The following CLIP1 variants were observed in gnomAD, a reference collection of about 807,000 sequenced individuals.
CLIP1 encodes the protein CAP-Gly domain containing linker protein 1, also known as CAP-Gly domain-containing linker protein 1.
CLIP1 carries 66 observed loss-of-function variants against 161.6 expected under a neutral mutation model. The observed-to-expected ratio is 0.41, with a 90% CI of 0.33 to 0.50. The LOEUF (loss-of-function observed/expected upper bound fraction) is 0.50, where lower values mean the gene tolerates loss of function less well. Ranked by LOEUF, CLIP1 falls within the 20% of genes least tolerant of loss-of-function variation. The probability of loss-of-function intolerance (pLI) is 0.27; values close to 1 mark genes in which losing one functional copy is unlikely to be tolerated. For synonymous variants in CLIP1, 598 were observed against 626.2 expected, an observed-to-expected ratio of 0.96 and a Z score of 0.67; for missense variants, 1,376 against 1,702.0, an observed-to-expected ratio of 0.81 and a Z score of 3.37.
At chr12:122,370,374 G>A (rs1011686171) in intron 3 of CLIP1, among the ~76,000 whole-genome samples, 10 of 152,114 alleles carry the variant, frequency 6.6e-5, no homozygotes, top group Non-Finnish European at 1.3e-4. Flanking sequence ...GTTGGTCTTC[G>A]TTGGTGCCAT....
chr12:122,339,572 C>T (rs1221956270), intron 11 of CLIP1, among the ~76,000 whole-genome samples: 2 of 152,190 alleles, frequency 1.3e-5, no homozygotes, highest in African/African-American at 4.8e-5. Flanking sequence ...ATCCGCCTGC[C>T]TCAGCCTCCC....
chr12:122,396,260 A>C (rs1248306532), intron 1 of CLIP1, among the ~76,000 whole-genome samples: 3 of 152,168 alleles, frequency 2.0e-5, no homozygotes, highest in African/African-American at 7.2e-5. Flanking sequence ...GTGGAGATTA[A>C]GATGTCTAAG....
At position 122,354,408 on chromosome 12, in the gene CLIP1, A is replaced by AG. The variant is rs771150388; in HGVS notation, c.1307+44_1307+45insC. The AG allele has an allele frequency of 6.2e-5, 92 of 1,490,234 alleles. No individual in the cohort carries two copies. In the Middle Eastern group the frequency reaches 1.1e-3, roughly 19 times the overall value. The allele number at this position is 1,490,234 out of a possible 1,614,324, so 92.3% of individuals were successfully genotyped here. The stretch of plus-strand genomic sequence containing the variant: ...AGACTCTGTCTCAAAAACAAAAAAA[A>AG]AGGGGGAAAGGCCACACTTGCACCA... On this transcript the variant is annotated intron_variant, in intron 7 of 25. Transcript: ENST00000620786.
At chr12:122,314,629 T>C (rs1351569782) in intron 19 of CLIP1, among the ~76,000 whole-genome samples, 1 of 152,170 alleles carries the variant, frequency 6.6e-6, no homozygotes, top group Non-Finnish European at 1.5e-5. Flanking sequence ...ATTATGGCAG[T>C]GCAGGTTGGA....
rs1555280643 is a variant in CLIP1 at position 122,390,279 on chromosome 12, C to CATACATAT, written c.-106-9722_-106-9721insATATGTAT. Among the ~76,000 whole-genome samples, 31 of 79,010 alleles carry CATACATAT rather than the reference C, an allele frequency of 3.9e-4. No individual in the cohort carries two copies. The East Asian group carries it at 5.2e-3, about 13-fold the overall frequency. 51.8% of individuals were successfully genotyped at this position (79,010 alleles called of 152,430 possible). A position where few individuals can be genotyped will look rare whatever the true frequency, so the allele number is the denominator to read the frequency against. On this transcript the variant is annotated intron_variant, in intron 1 of 25. Coordinates refer to ENST00000620786, the MANE Select transcript of CLIP1 (RefSeq NM_001247997.2). ...ATATATACACACACATATATATATACATATATATATATATATATATATATG... is the reference window on the plus strand; with the variant it reads ...ATATATACACACACATATATATATACATACATATATATATATATATATATATATATATG...
At chr12:122,415,338 C>T (rs1275944734) in intron 1 of CLIP1, among the ~76,000 whole-genome samples, 2 of 150,818 alleles carry the variant, frequency 1.3e-5, no homozygotes, top group East Asian at 2.0e-4. Flanking sequence ...AAAAATTAGC[C>T]GGGTGTGGTG....
intron 7 of CLIP1, among the ~76,000 whole-genome samples, chr12:122,353,835 T>A (rs1953179228): frequency 6.6e-6 from 1 of 151,680 alleles, no homozygotes; most frequent in African/African-American, 2.4e-5. Flanking sequence ...TTCACCATGT[T>A]GGTCACGTTG....
At chr12:122,292,664 T>C (rs1315896388) in intron 20 of CLIP1, among the ~76,000 whole-genome samples, 1 of 152,010 alleles carries the variant, frequency 6.6e-6, no homozygotes, top group Admixed American at 6.6e-5. Flanking sequence ...GTCAGTGGAG[T>C]TGACCAAAAC....
At chr12:122,298,909 C>T (rs1244906412) in intron 20 of CLIP1, among the ~76,000 whole-genome samples, 4 of 151,450 alleles carry the variant, frequency 2.6e-5, no homozygotes, top group East Asian at 2.0e-4. Flanking sequence ...GGGCTGAGAT[C>T]GCGCCACTGC....
intron 1 of CLIP1, among the ~76,000 whole-genome samples, chr12:122,421,474 ATACT>A (rs1223262777): frequency 2.6e-5 from 4 of 152,162 alleles, no homozygotes; most frequent in Admixed American, 2.0e-4. Context: ...ACAGCACTTA[ATACT>A]TATAGAGCTG....
intron 2 of CLIP1, among the ~76,000 whole-genome samples, chr12:122,378,297 G>T (rs1004290689): frequency 2.0e-5 from 3 of 152,142 alleles, no homozygotes; most frequent in Non-Finnish European, 1.5e-5. Context: ...ACGTTGGCCA[G>T]GCTGGTCTCA....
intron 19 of CLIP1, among the ~76,000 whole-genome samples, chr12:122,314,457 ACT>A (rs755629815): frequency 3.3e-5 from 5 of 152,176 alleles, no homozygotes; most frequent in South Asian, 2.1e-4. Context: ...GGGAACAGAG[ACT>A]CTGTCTCAGA....
rs1401908468 is a variant in CLIP1, at chr12:122,333,068, T to C, written c.2786A>G (p.Asp929Gly). Residue 929 changes from aspartate (D) to glycine (G), a missense_variant, in exon 15 of 26, where the codon GAC (aspartate) becomes GGC (glycine). By Grantham distance (94) the Asp-to-Gly change is moderately conservative. Around this residue, in one of 6 missense-constraint regions of CLIP1, gnomAD observed 948 missense variants for 1,134.8 expected, o/e 0.84. Transcript: ENST00000620786. ...LIKAKEKLEN[D>G]IAEIMKMSGD... ...TGACATCTTCATTATTTCTGCAATG[T>C]CATTTTCCAGTTTTTCCTTTGCCTT... 1 of 1,613,816 alleles carries C rather than the reference T, an allele frequency of 6.2e-7. No individual in the cohort carries two copies. Among genetic ancestry groups the C allele is most frequent in the South Asian group, 1.1e-5 (1 of 91,036 alleles).
rs1952368889 is a variant in CLIP1, at chr12:122,338,963, C to T, written c.2451+1790G>A. On this transcript the variant is annotated intron_variant, in intron 11 of 25. Transcript: ENST00000620786. Reference sequence around the variant, plus strand: ...TTGCTGTTTGTCAGTCCTCACCTCACCCCATTTAACCATCACAACCCTTCC... The same window carrying T: ...TTGCTGTTTGTCAGTCCTCACCTCATCCCATTTAACCATCACAACCCTTCC... 2.0e-5 allele frequency among the ~76,000 whole-genome samples: 3 copies of T among 152,168 alleles called. 1 individual carries two copies. The highest frequency in any genetic ancestry group is 7.2e-5 in the African/African-American group (3 of 41,448).
In CLIP1 at chr12:122,332,982, T is replaced by G. The variant is rs1383344311; in HGVS notation, c.2867+5A>C. ...GTCAGCACTCTTTTCAACAGTCACA[T>G]ATACCTTTCTTTCAGACGTAATTCA... On this transcript the variant is annotated splice_donor_5th_base_variant and intron_variant, in intron 15 of 25. Transcript: ENST00000620786. The G allele has an allele frequency of 1.6e-5, 26 of 1,612,576 alleles. No individual in the cohort carries two copies. The highest frequency in any genetic ancestry group is 2.1e-5 in the Non-Finnish European group (25 of 1,179,446).
chr12:122,372,929 A>G (rs943957088), intron 3 of CLIP1, among the ~76,000 whole-genome samples: 4 of 152,196 alleles, frequency 2.6e-5, no homozygotes, highest in Non-Finnish European at 4.4e-5. Flanking sequence ...CAAGGTCACA[A>G]CCAGGCTCAT....
At chr12:122,376,847 A>G (rs1010542245) in intron 3 of CLIP1, among the ~76,000 whole-genome samples, 1 of 152,060 alleles carries the variant, frequency 6.6e-6, no homozygotes, top group Non-Finnish European at 1.5e-5. Context: ...GCTAGATACA[A>G]CTAGAATAGT....
At chr12:122,310,514 CAAAT>C (rs1269051729) in intron 19 of CLIP1, among the ~76,000 whole-genome samples, 1 of 151,930 alleles carries the variant, frequency 6.6e-6, no homozygotes, top group Non-Finnish European at 1.5e-5. Context: ...TTGAAAGAAG[CAAAT>C]AAAAATATAA....
intron 1 of CLIP1, among the ~76,000 whole-genome samples, chr12:122,387,563 TATATATATATATATATATATATATA>T (rs1349245765): frequency 1.1e-4 from 1 of 9,322 alleles, no homozygotes; most frequent in African/African-American, 1.8e-4. Flanking sequence ...TATATATATA[TATATATATATATATATATATATATA>T]TATTTTTTTT....
Sources: allele counts gnomAD v4.1 joint callset (sites outside exome capture counted in the v4.1 genomes callset), GRCh38; gene constraint gnomAD v4.1.1; regional missense constraint gnomAD v4.1.1; transcripts MANE v1.5; gene names NCBI Gene and HGNC (gene_info 2026-07-23, HGNC 2026-07-21).